The following DPF3 variants were observed in gnomAD, a reference collection of about 807,000 sequenced individuals.
DPF3 encodes the protein zinc finger protein DPF3.
A neutral mutation model predicts 56.8 loss-of-function variants in DPF3; 18 were observed. The ratio of observed to expected loss-of-function variants is 0.32; its 90% confidence interval spans 0.22 to 0.47. The LOEUF (loss-of-function observed/expected upper bound fraction) is 0.47. DPF3 is among the 20% of genes least tolerant of loss of function. The pLI is 1.00. For missense variants in DPF3, 403 were observed against 488.8 expected, an observed-to-expected ratio of 0.82 and a Z score of 1.65; for synonymous variants, 188 against 180.2, an observed-to-expected ratio of 1.04 and a Z score of -0.35.
intron 1 of DPF3, among the ~76,000 whole-genome samples, chr14:72,857,655 C>T (rs749379535): frequency 3.3e-5 from 5 of 152,108 alleles, no homozygotes; most frequent in East Asian, 1.9e-4. Context: ...GGCGCAATCT[C>T]GGCTCACTGC....
chr14:72,730,652 AAATT>A (rs985252693), intron 4 of DPF3, among the ~76,000 whole-genome samples: 2 of 151,632 alleles, frequency 1.3e-5, no homozygotes, highest in African/African-American at 4.8e-5. Flanking sequence ...ATTAATATAT[AAATT>A]AATAAATTTA....
chr14:72,879,109 C>T (rs1031632619), intron 1 of DPF3, among the ~76,000 whole-genome samples: 3 of 152,228 alleles, frequency 2.0e-5, no homozygotes, highest in African/African-American at 7.2e-5. Flanking sequence ...TGTGGCCAGG[C>T]TTGGTGGCTC....
intron 8 of DPF3, among the ~76,000 whole-genome samples, chr14:72,640,508 C>G (rs1156462106): frequency 6.6e-6 from 1 of 152,110 alleles, no homozygotes; most frequent in Non-Finnish European, 1.5e-5. Context: ...GGAGCTTACA[C>G]TGTAATGAGG....
intron 8 of DPF3, among the ~76,000 whole-genome samples, chr14:72,634,826 A>G (rs773831756): frequency 1.3e-5 from 2 of 152,070 alleles, no homozygotes; most frequent in African/African-American, 2.4e-5. Context: ...TGGAGGGAAG[A>G]CAACCCTTCC....
intron 1 of DPF3, among the ~76,000 whole-genome samples, chr14:72,885,374 GTTT>G (rs1886504463): frequency 5.8e-4 from 5 of 8,686 alleles, no homozygotes; most frequent in Admixed American, 2.0e-3. Flanking sequence ...TTTTGGGTTT[GTTT>G]GTTTGTTTGT....
intron 8 of DPF3, among the ~76,000 whole-genome samples, chr14:72,638,196 C>A (rs72728551): frequency 0.05 from 7,542 of 152,250 alleles, 236 homozygotes; most frequent in Middle Eastern, 0.1. Flanking sequence ...CTTTTAAATG[C>A]TTCTCTGGAT....
At chr14:72,631,147 G>A (rs1885148024) in intron 8 of DPF3, among the ~76,000 whole-genome samples, 1 of 152,210 alleles carries the variant, frequency 6.6e-6, no homozygotes, top group Non-Finnish European at 1.5e-5. Context: ...GAGGGGTGTA[G>A]AAATGACTTG....
chr14:72,711,671 G>T (rs747461581), intron 6 of DPF3, among the ~76,000 whole-genome samples: 4 of 152,126 alleles, frequency 2.6e-5, no homozygotes, highest in Admixed American at 1.3e-4. Flanking sequence ...TGTTCAGAAG[G>T]TCTCCCAGAC....
At chr14:72,662,018 T>G (rs1599335004) in intron 8 of DPF3, 1 of 985,118 alleles carries the variant, frequency 1.0e-6, no homozygotes, top group East Asian at 1.1e-4. Context: ...GACATTCAGA[T>G]AAAAGGGGCT....
At chr14:72,784,041 T>A (rs78195773) in intron 1 of DPF3, among the ~76,000 whole-genome samples, 3,911 of 152,234 alleles carry the variant, frequency 0.026, 186 homozygotes, top group African/African-American at 0.088. Flanking sequence ...CAGAGTTGGT[T>A]AAAATCAGCC....
At chr14:72,651,053 C>T (rs1318721547) in intron 8 of DPF3, among the ~76,000 whole-genome samples, 1 of 152,256 alleles carries the variant, frequency 6.6e-6, no homozygotes, top group Non-Finnish European at 1.5e-5. Context: ...CCAACCCCTT[C>T]TTTAGACACA....
intron 3 of DPF3, among the ~76,000 whole-genome samples, chr14:72,741,841 A>G (rs893891078): frequency 1.3e-5 from 2 of 152,052 alleles, no homozygotes; most frequent in African/African-American, 4.8e-5. Flanking sequence ...CTCACAACTC[A>G]TGCTCTACAC....
chr14:72,749,307 C>T (rs1170542437), intron 3 of DPF3, among the ~76,000 whole-genome samples: 2 of 152,166 alleles, frequency 1.3e-5, no homozygotes, highest in African/African-American at 4.8e-5. Context: ...GCCTGTAGCC[C>T]CTTTGTTTTG....
At chr14:72,707,533 T>C (rs1049299646) in intron 6 of DPF3, among the ~76,000 whole-genome samples, 1 of 152,210 alleles carries the variant, frequency 6.6e-6, no homozygotes, top group African/African-American at 2.4e-5. Flanking sequence ...CTGTGGCACA[T>C]CTGCATAATG....
At chr14:72,776,475 C>T (rs776080830) in intron 1 of DPF3, among the ~76,000 whole-genome samples, 1 of 152,152 alleles carries the variant, frequency 6.6e-6, no homozygotes, top group Non-Finnish European at 1.5e-5. Context: ...ATGAGATTTC[C>T]AGCAACCCTC....
At chr14:72,669,394 C>T (rs373768256) in intron 8 of DPF3, among the ~76,000 whole-genome samples, 20 of 152,156 alleles carry the variant, frequency 1.3e-4, no homozygotes, top group African/African-American at 3.1e-4. Context: ...GAGACCCTGG[C>T]CAACCTTAAA....
intron 1 of DPF3, among the ~76,000 whole-genome samples, chr14:72,786,137 C>T (rs987995294): frequency 6.6e-6 from 1 of 152,086 alleles, no homozygotes; most frequent in African/African-American, 2.4e-5. Context: ...GTGGTGCATG[C>T]CTGTAGTCCC....
At chr14:72,884,971 T>TATATATATATATATATATATAAA in intron 1 of DPF3, among the ~76,000 whole-genome samples, 1 of 111,690 alleles carries the variant, frequency 9.0e-6, no homozygotes, top group South Asian at 3.0e-4. Flanking sequence ...TATATATATA[T>TATATATATATATATATATATAAA]TAGCCGGGCG....
chr14:72,671,087 CAA>C (rs1014469005), intron 8 of DPF3: 7 of 1,601,696 alleles, frequency 4.4e-6, no homozygotes, highest in African/African-American at 2.7e-5. Flanking sequence ...GCACAATGAC[CAA>C]AGTCAGAGGG....
Sources: gnomAD v4.1 joint callset for allele counts (sites outside exome capture counted in the v4.1 genomes callset) on GRCh38, gnomAD v4.1.1 for gene constraint, MANE v1.5 for transcripts, NCBI Gene and HGNC (gene_info 2026-07-23, HGNC 2026-07-21) for gene names.